The following FHL2 variants were observed in gnomAD, a reference collection of about 807,000 sequenced individuals.
FHL2 encodes the protein four and a half LIM domains 2.
Under a neutral mutation model 32.7 loss-of-function variants are expected in FHL2, and 20 were observed. The ratio of observed to expected loss-of-function variants is 0.61; its 90% confidence interval spans 0.43 to 0.89. The LOEUF is 0.89. Ranked by LOEUF, FHL2 falls within the 40% of genes least tolerant of loss-of-function variation. The pLI is 0.00. For synonymous variants in FHL2, 123 were observed against 128.1 expected (o/e 0.96, Z 0.27); for missense variants, 311 against 358.6 (o/e 0.87, Z 1.07).
chr2:105,410,341 A>C (rs1202094264), intron 1 of FHL2, among the ~76,000 whole-genome samples: 1 of 152,144 alleles, frequency 6.6e-6, no homozygotes, highest in African/African-American at 2.4e-5. Flanking sequence ...AGATAACCCC[A>C]CATAGCTGCA....
At chr2:105,418,349 A>G (rs543227221) in intron 1 of FHL2, among the ~76,000 whole-genome samples, 1 of 152,244 alleles carries the variant, frequency 6.6e-6, no homozygotes, top group South Asian at 2.1e-4. Context: ...GGCCACAGGG[A>G]AACACTCTCC....
At chr2:105,398,132 C>T (rs1683271451) in intron 1 of FHL2, among the ~76,000 whole-genome samples, 1 of 152,134 alleles carries the variant, frequency 6.6e-6, no homozygotes, top group South Asian at 2.1e-4. Flanking sequence ...AAGCCAGCTA[C>T]ACATTTCAGC....
intron 1 of FHL2, among the ~76,000 whole-genome samples, chr2:105,409,855 C>T (rs1372359664): frequency 6.6e-6 from 1 of 152,224 alleles, no homozygotes; most frequent in African/African-American, 2.4e-5. Context: ...ACAGTTCATG[C>T]CTGGGAAACT....
At chr2:105,393,297 GA>G (rs766573150) in intron 2 of FHL2, among the ~76,000 whole-genome samples, 3 of 152,118 alleles carry the variant, frequency 2.0e-5, no homozygotes, top group Non-Finnish European at 2.9e-5. Context: ...TTCCTAAGGA[GA>G]AATCTGTGAA....
chr2:105,401,716 G>A (rs1024180412), upstream of FHL2, among the ~76,000 whole-genome samples: 6 of 152,130 alleles, frequency 3.9e-5, no homozygotes, highest in Admixed American at 1.3e-4. Flanking sequence ...TAAAATGAAC[G>A]AGGTAACTAT....
chr2:105,390,526 A>T (rs865880804), intron 2 of FHL2, among the ~76,000 whole-genome samples: 1 of 152,150 alleles, frequency 6.6e-6, no homozygotes, highest in Non-Finnish European at 1.5e-5. Context: ...TTCTAAGAGG[A>T]CACTAGAGTT....
chr2:105,388,780 G>C (rs1285066879), intron 2 of FHL2, among the ~76,000 whole-genome samples: 1 of 151,932 alleles, frequency 6.6e-6, no homozygotes, highest in Non-Finnish European at 1.5e-5. Flanking sequence ...GTTGCAGTGA[G>C]CTGAGATGAT....
upstream of FHL2, among the ~76,000 whole-genome samples, chr2:105,400,686 A>ATTTTTTTTTTTTTTT (rs57296524): frequency 7.5e-6 from 1 of 132,802 alleles, no homozygotes; most frequent in African/African-American, 2.8e-5. Context: ...TTATATTTTA[A>ATTTTTTTTTTTTTTT]TTTTTTTTTT....
chr2:105,382,433 T>TA (rs1681963150), intron 3 of FHL2, among the ~76,000 whole-genome samples: 1 of 152,232 alleles, frequency 6.6e-6, no homozygotes, highest in African/African-American at 2.4e-5. Flanking sequence ...GGGCTCAAAT[T>TA]GTACCTCGGA....
At chr2:105,432,378 T>C (rs1684463995) in intron 1 of FHL2, among the ~76,000 whole-genome samples, 1 of 152,216 alleles carries the variant, frequency 6.6e-6, no homozygotes, top group Non-Finnish European at 1.5e-5. Flanking sequence ...GACTGTCTTG[T>C]TTGACCTCTG....
chr2:105,433,268 C>T (rs1339182546), intron 1 of FHL2, among the ~76,000 whole-genome samples: 3 of 151,542 alleles, frequency 2.0e-5, no homozygotes, highest in Non-Finnish European at 4.4e-5. Flanking sequence ...GCAACCTCCA[C>T]CTCTCAAGTT....
At chr2:105,371,939 G>A (rs934634595) in intron 4 of FHL2, among the ~76,000 whole-genome samples, 2 of 152,112 alleles carry the variant, frequency 1.3e-5, no homozygotes, top group African/African-American at 4.8e-5. Flanking sequence ...CAGCACTGGG[G>A]CCCGAGTTTC....
At chr2:105,417,405 C>T (rs904461998) in intron 1 of FHL2, among the ~76,000 whole-genome samples, 1 of 151,400 alleles carries the variant, frequency 6.6e-6, no homozygotes, top group Non-Finnish European at 1.5e-5. Flanking sequence ...AAATGTGTTG[C>T]TGGGCACGGT....
At position 105,386,346 on chromosome 2, in the gene FHL2, G is replaced by T. The variant is rs763663811; in HGVS notation, c.156+15C>A. 6.2e-7 allele frequency: 1 copy of T among 1,611,778 alleles called. No homozygotes were observed. Among genetic ancestry groups the T allele is most frequent in the Non-Finnish European group, 8.5e-7 (1 of 1,179,136 alleles). On this transcript the variant is annotated intron_variant, in intron 3 of 6. Transcript: ENST00000530340. ...AGGGGAGCGCCGGGGACCCGCAGAG[G>T]CCCGCAGCAGGTACCTTGCAGTCAC... is the stretch of plus-strand genomic sequence containing the variant.
At chr2:105,361,580 T>TC in intron 6 of FHL2, 146 bp from the exon 7 acceptor site, 2 of 659,406 alleles carry the variant, frequency 3.0e-6, no homozygotes, top group Admixed American at 6.0e-5. Context: ...GTGTTGGGAA[T>TC]CCATATGTAA....
intron 1 of FHL2, among the ~76,000 whole-genome samples, chr2:105,438,138 G>A (rs1163329649): frequency 3.3e-5 from 5 of 152,200 alleles, no homozygotes; most frequent in African/African-American, 1.2e-4. Flanking sequence ...AATGAGCAGG[G>A]GTTCTCTATC....
chr2:105,368,446 C>T (rs1680793187), intron 4 of FHL2, among the ~76,000 whole-genome samples: 1 of 152,186 alleles, frequency 6.6e-6, no homozygotes, highest in African/African-American at 2.4e-5. Context: ...AAACTCCTGC[C>T]TCAACCTGAG....
intron 1 of FHL2, among the ~76,000 whole-genome samples, chr2:105,424,645 A>G (rs1454304453): frequency 6.6e-6 from 1 of 152,236 alleles, no homozygotes; most frequent in African/African-American, 2.4e-5. Context: ...CATCAATGAT[A>G]GACTGGGTAA....
chr2:105,381,704 A>G (rs976464541), intron 3 of FHL2, among the ~76,000 whole-genome samples: 4 of 152,182 alleles, frequency 2.6e-5, no homozygotes, highest in African/African-American at 9.7e-5. Context: ...TTAGGAGGAA[A>G]TCCAAATAAA....
Sources: gnomAD v4.1 joint callset for allele counts (sites outside exome capture counted in the v4.1 genomes callset) on GRCh38, gnomAD v4.1.1 for gene constraint, MANE v1.5 for transcripts, NCBI Gene and HGNC (gene_info 2026-07-23, HGNC 2026-07-21) for gene names.